The following AS3MT variants were observed in gnomAD, a reference collection of about 807,000 sequenced individuals.
The protein encoded by AS3MT is S-adenosyl-L-methionine:arsenic(III) methyltransferase.
Under a neutral mutation model 45.3 loss-of-function variants are expected in AS3MT, and 47 were observed. The observed-to-expected ratio is 1.04, with a 90% confidence interval of 0.82 to 1.32. The LOEUF is 1.32. Among genes scored for constraint, AS3MT ranks in the 40% most tolerant of loss-of-function variants. The pLI is 0.00. For synonymous variants in AS3MT, 141 were observed against 152.8 expected (o/e 0.92, Z 0.57); for missense variants, 396 against 451.1 (o/e 0.88, Z 1.11).
intron 9 of AS3MT, among the ~76,000 whole-genome samples, chr10:102,883,738 C>A (rs182230492): frequency 4.3e-4 from 65 of 151,420 alleles, no homozygotes; most frequent in African/African-American, 1.5e-3. Context: ...AAAGAAAAAA[C>A]CCCCAATAGT....
chr10:102,869,598 G>T lies in AS3MT; in HGVS notation c.1+5G>T. The T allele has an allele frequency of 6.9e-7, 1 of 1,443,012 alleles. No individual in the cohort carries two copies. The allele number at this position is 1,443,012 out of a possible 1,614,324, so 89.4% of individuals were successfully genotyped here. ...GAGTCGCAGGCCGAGGAGACAGTGA[G>T]TGCGCGCCCTGGGCGCCCCGCCCCA... On this transcript the variant is annotated splice_donor_5th_base_variant and intron_variant, in intron 1 of 10. Transcript: ENST00000369880.
At chr10:102,873,053 ATTTTT>A (rs1236615336) in intron 4 of AS3MT, 39 bp from the exon 5 acceptor site, 2 of 1,492,168 alleles carry the variant, frequency 1.3e-6, no homozygotes, top group Non-Finnish European at 1.8e-6. Context: ...AAAGTTGTGT[ATTTTT>A]TTCAAAATGT....
At chr10:102,883,980 C>CTTTT (rs35305641) in intron 9 of AS3MT, among the ~76,000 whole-genome samples, 1 of 129,434 alleles carries the variant, frequency 7.7e-6, no homozygotes, top group Non-Finnish European at 1.6e-5. Context: ...TTCTTTATTT[C>CTTTT]TTTTTTTTTT....
intron 9 of AS3MT, among the ~76,000 whole-genome samples, chr10:102,885,244 T>C (rs1251365464): frequency 6.6e-6 from 1 of 152,154 alleles, no homozygotes; most frequent in Non-Finnish European, 1.5e-5. Context: ...ATTCGTCTTT[T>C]TGAGGTTGGC....
intron 9 of AS3MT, among the ~76,000 whole-genome samples, chr10:102,886,289 C>T (rs1384080681): frequency 8.2e-6 from 1 of 121,930 alleles, no homozygotes; most frequent in Non-Finnish European, 1.8e-5. Context: ...TCCTTCCTTC[C>T]TCCCTCCCTC....
In AS3MT at chr10:102,874,440, G is replaced by A. The variant is rs190417820; in HGVS notation, c.459-152G>A. 224 of 594,654 alleles carry A rather than the reference G, an allele frequency of 3.8e-4. 1 individual carries two copies. Among genetic ancestry groups the A allele is most frequent in the African/African-American group, 3.7e-3 (199 of 53,996 alleles). The allele number at this position is 594,654 out of a possible 1,614,324, so 36.8% of individuals were successfully genotyped here. A position where few individuals can be genotyped will look rare whatever the true frequency, so the allele number is the denominator to read the frequency against. On this transcript the variant is annotated intron_variant, in intron 5 of 10. Coordinates refer to ENST00000369880, the MANE Select transcript of AS3MT (RefSeq NM_020682.4). ...ACTCTGTCTCTGATCTTGGGGAAAAGCTTAGTTGAAGGCATTAGAAAGAGA... is the reference window on the plus strand; with the variant it reads ...ACTCTGTCTCTGATCTTGGGGAAAAACTTAGTTGAAGGCATTAGAAAGAGA...
intron 9 of AS3MT, 52 bp downstream of exon 9, chr10:102,879,043 G>C (rs747650535): frequency 1.3e-6 from 2 of 1,554,730 alleles, no homozygotes; most frequent in Non-Finnish European, 1.7e-6. Flanking sequence ...TCTTGCCCTT[G>C]CTCCAGCTAT....
Position 102,889,898 on chromosome 10 carries a change from G to T in AS3MT, c.886-646G>T, listed in dbSNP as rs188360116. On this transcript the variant is annotated intron_variant, in intron 9 of 10. Coordinates refer to ENST00000369880, the MANE Select transcript of AS3MT (RefSeq NM_020682.4). ...TTACCATATTGGCCAGGCTGGTCTC[G>T]AACTCCTGACCTCATGATCCACCTG... 4.6e-3 allele frequency among the ~76,000 whole-genome samples: 694 copies of T among 151,834 alleles called. 2 individuals are homozygous for T. Among genetic ancestry groups the T allele is most frequent in the Non-Finnish European group, 6.7e-3 (457 of 67,942 alleles).
intron 6 of AS3MT, among the ~76,000 whole-genome samples, chr10:102,875,963 A>T (rs1033148651): frequency 2.6e-5 from 4 of 151,986 alleles, no homozygotes; most frequent in Non-Finnish European, 5.9e-5. Context: ...TTTTTGGTTT[A>T]CAAAGCTGTC....
chr10:102,893,058 C>CAAAA (rs34643607), intron 10 of AS3MT, among the ~76,000 whole-genome samples: 1 of 142,008 alleles, frequency 7.0e-6, no homozygotes, highest in African/African-American at 2.6e-5. Flanking sequence ...TGAAAGACCA[C>CAAAA]AAAAAAAAAA....
At chr10:102,889,790 C>T (rs1845037329) in intron 9 of AS3MT, among the ~76,000 whole-genome samples, 1 of 151,832 alleles carries the variant, frequency 6.6e-6, no homozygotes, top group Non-Finnish European at 1.5e-5. Flanking sequence ...ATTCTTCTGC[C>T]TCAGCCTCCC....
chr10:102,894,562 A>C lies in AS3MT; in HGVS notation c.1020+3884A>C, dbSNP rs1174863603. ...AGTTCAGGTCACGAAGGGAAGGAGAAGTTTGGACATGCCTCATTATTCCCT... is the reference window on the plus strand; with the variant it reads ...AGTTCAGGTCACGAAGGGAAGGAGACGTTTGGACATGCCTCATTATTCCCT... On this transcript the variant is annotated intron_variant, in intron 10 of 10. Coordinates refer to ENST00000369880, the MANE Select transcript of AS3MT (RefSeq NM_020682.4). Among the ~76,000 whole-genome samples, 18 of 152,350 alleles carry C rather than the reference A, an allele frequency of 1.2e-4. No homozygotes were observed. In the South Asian group the frequency reaches 3.7e-3, roughly 32 times the overall value.
chr10:102,887,526 T>C (rs1380333516), intron 9 of AS3MT, among the ~76,000 whole-genome samples: 1 of 152,194 alleles, frequency 6.6e-6, no homozygotes, highest in Non-Finnish European at 1.5e-5. Flanking sequence ...AAGATACTTA[T>C]ATCTTCTTGC....
intron 9 of AS3MT, among the ~76,000 whole-genome samples, chr10:102,889,540 A>C (rs1009187309): frequency 6.6e-6 from 1 of 152,138 alleles, no homozygotes; most frequent in Non-Finnish European, 1.5e-5. Context: ...GCTGCAGTCA[A>C]CATTAGGAGT....
At chr10:102,890,507 T>G in intron 9 of AS3MT, 37 bp from the exon 10 acceptor site, 1 of 1,537,862 alleles carries the variant, frequency 6.5e-7, no homozygotes, top group Non-Finnish European at 8.7e-7. Context: ...AGACTAAAGT[T>G]GCAACTCTTA....
chr10:102,878,661 C>A, intron 8 of AS3MT, 151 bp downstream of exon 8: 1 of 1,337,182 alleles, frequency 7.5e-7, no homozygotes, highest in Admixed American at 2.5e-5. Flanking sequence ...ATGGTAACCC[C>A]CCAAAAATTT....
At chr10:102,876,139 A>G (rs1844781478) in intron 6 of AS3MT, among the ~76,000 whole-genome samples, 1 of 152,140 alleles carries the variant, frequency 6.6e-6, no homozygotes, top group Non-Finnish European at 1.5e-5. Flanking sequence ...CAGGTTTTTG[A>G]AATTAGCTAA....
Position 102,888,867 on chromosome 10 carries a change from ATATATATATATATAT to A in AS3MT, c.886-1675_886-1661del, listed in dbSNP as rs1308111832. 2.4e-4 allele frequency among the ~76,000 whole-genome samples: 21 copies of A among 88,650 alleles called. No individual in the cohort carries two copies. In the South Asian group the frequency reaches 5.1e-3, roughly 21 times the overall value. 58.2% of individuals were successfully genotyped at this position (88,650 alleles called of 152,430 possible). On this transcript the variant is annotated intron_variant, in intron 9 of 10. Transcript: ENST00000369880. ...CATCAAACCCTATATATATATATAT[ATATATATATATATAT>A]TTTTTTTTTTTTTTTTGAGACGGAG...
At position 102,878,384 on chromosome 10, in the gene AS3MT, T is replaced by G. The variant is rs759240339; in HGVS notation, c.616T>G (p.Cys206Gly). The change falls in exon 8 of 11, where the codon TGT (cysteine) becomes GGT (glycine). Residue 206 changes from cysteine to glycine, a missense_variant. Physicochemically the swap from Cys to Gly is radical, Grantham distance 159. Transcript: ENST00000369880. Reference sequence around the variant, plus strand: ...TGTTGTTGTTTGTTTTTTAGGTGAGTGTCTGGGTGGTGCTTTATACTGGAA... The same window carrying G: ...TGTTGTTGTTTGTTTTTTAGGTGAGGGTCTGGGTGGTGCTTTATACTGGAA... Reference protein sequence around the residue: ...IRTHKVLWGECLGGALYWKEL... With the variant: ...IRTHKVLWGEGLGGALYWKEL... The G allele has an allele frequency of 1.2e-6, 2 of 1,613,588 alleles. No homozygotes were observed. Among genetic ancestry groups the G allele is most frequent in the African/African-American group, 2.7e-5 (2 of 74,864 alleles).
Sources: allele counts gnomAD v4.1 joint callset (sites outside exome capture counted in the v4.1 genomes callset), GRCh38; gene constraint gnomAD v4.1.1; transcripts MANE v1.5; gene names NCBI Gene and HGNC (gene_info 2026-07-23, HGNC 2026-07-21).